Variants in MRPL3 observed in about 807,000 individuals in gnomAD.
MRPL3 encodes the protein mitochondrial ribosomal protein L3.
A neutral mutation model predicts 44.3 loss-of-function variants in MRPL3; 43 were observed. The ratio of observed to expected loss-of-function variants is 0.97; its 90% CI spans 0.76 to 1.25. The LOEUF (loss-of-function observed/expected upper bound fraction) is 1.25. Ranked by LOEUF, MRPL3 falls within the 50% of genes most tolerant of loss-of-function variation. The pLI is 0.00. For missense variants in MRPL3, 406 were observed against 427.6 expected (o/e 0.95, Z 0.45); for synonymous variants, 171 against 152.3 (o/e 1.12, Z -0.91).
intron 6 of MRPL3, among the ~76,000 whole-genome samples, chr3:131,476,275 C>T (rs149481138): frequency 2.0e-5 from 3 of 152,246 alleles, no homozygotes; most frequent in East Asian, 1.9e-4. Context: ...AATAACATGA[C>T]AAATTATTGG....
intron 4 of MRPL3, among the ~76,000 whole-genome samples, chr3:131,491,022 C>A (rs1677327598): frequency 6.6e-6 from 1 of 152,096 alleles, no homozygotes; most frequent in Non-Finnish European, 1.5e-5. Context: ...TCATTTTTTT[C>A]CCCTTTCTAC....
At chr3:131,496,894 C>T (rs965311532) in intron 4 of MRPL3, among the ~76,000 whole-genome samples, 1 of 152,246 alleles carries the variant, frequency 6.6e-6, no homozygotes, top group African/African-American at 2.4e-5. Flanking sequence ...TGCAGCTTCA[C>T]CACCCTCCCA....
intron 6 of MRPL3, among the ~76,000 whole-genome samples, chr3:131,477,139 TCTTTA>T (rs1426947970): frequency 6.6e-6 from 1 of 152,198 alleles, no homozygotes; most frequent in Non-Finnish European, 1.5e-5. Flanking sequence ...ATCATGTATT[TCTTTA>T]CTTTGTGAGA....
At chr3:131,490,940 C>T (rs746277946) in intron 4 of MRPL3, among the ~76,000 whole-genome samples, 1 of 152,200 alleles carries the variant, frequency 6.6e-6, no homozygotes, top group East Asian at 1.9e-4. Flanking sequence ...ATTAAAAGCA[C>T]TAATTCCCAC....
intron 6 of MRPL3, among the ~76,000 whole-genome samples, chr3:131,473,801 T>C (rs1438088636): frequency 6.6e-6 from 1 of 151,834 alleles, no homozygotes; most frequent in Non-Finnish European, 1.5e-5. Context: ...GCCAAGTATA[T>C]GAAAAATGTT....
chr3:131,465,758 C>G (rs1174984466), intron 9 of MRPL3, among the ~76,000 whole-genome samples: 1 of 152,112 alleles, frequency 6.6e-6, no homozygotes, highest in Non-Finnish European at 1.5e-5. Context: ...AATACTCTGG[C>G]TTCAACTATC....
At chr3:131,464,878 C>T (rs572934959) in intron 9 of MRPL3, among the ~76,000 whole-genome samples, 1 of 152,232 alleles carries the variant, frequency 6.6e-6, no homozygotes, top group African/African-American at 2.4e-5. Context: ...AGTTGGCTGC[C>T]CACTAGGAAG....
At chr3:131,476,036 G>A (rs999321767) in intron 6 of MRPL3, among the ~76,000 whole-genome samples, 2 of 152,164 alleles carry the variant, frequency 1.3e-5, no homozygotes, top group Non-Finnish European at 2.9e-5. Context: ...CTTAAAAAGA[G>A]AGCATGAGTG....
In MRPL3 at chr3:131,500,461, T is replaced by C. The variant is rs1363530241; in HGVS notation, c.338A>G (p.Asp113Gly). The C allele has an allele frequency of 1.2e-6, 2 of 1,613,866 alleles. No individual in the cohort carries two copies. The highest frequency in any genetic ancestry group is 1.1e-5 in the South Asian group (1 of 91,086). The change falls in exon 3 of 10, where the codon GAT (aspartate) becomes GGT (glycine). Residue 113 changes from aspartate to glycine, a missense_variant. Transcript: ENST00000264995. ...TAATGTGACCACATGCTTTTGACCA[T>C]CCTTGGTCCATAAAGGCATCATGCC... ...KLGMMPLWTKDGQKHVVTLLQ... is the reference protein window; with the variant it reads ...KLGMMPLWTKGGQKHVVTLLQ...
chr3:131,487,650 A>C, intron 6 of MRPL3, 30 bp downstream of exon 6: 1 of 1,562,978 alleles, frequency 6.4e-7, no homozygotes. Context: ...TGAAAACAAA[A>C]GGAAAAGAGA....
intron 9 of MRPL3, among the ~76,000 whole-genome samples, chr3:131,467,657 T>C (rs1009286474): frequency 1.3e-5 from 2 of 152,080 alleles, no homozygotes; most frequent in African/African-American, 4.8e-5. Flanking sequence ...CCTTCCCCTT[T>C]TGCCATGATT....
At chr3:131,492,731 C>G (rs1934285291) in intron 4 of MRPL3, among the ~76,000 whole-genome samples, 1 of 148,932 alleles carries the variant, frequency 6.7e-6, no homozygotes, top group Non-Finnish European at 1.5e-5. Flanking sequence ...CCATTTCACC[C>G]CCAAACCTAC....
rs775175471 is a variant in MRPL3 at position 131,502,761 on chromosome 3, C to T, written c.61G>A (p.Gly21Ser). ...CCCGGGCCCAGGGCAGCACCCAGGC[C>T]GTCCCCGAGTCGACCCAGCACCTGG... Reference protein sequence around the residue: ...GAQVLGRLGDGLGAALGPGNR... With the variant: ...GAQVLGRLGDSLGAALGPGNR... The change falls in exon 1 of 10, where the codon GGC becomes AGC. Residue 21 changes from glycine to serine, a missense_variant. Physicochemically the swap from Gly to Ser is moderately conservative, Grantham distance 56. Coordinates refer to ENST00000264995, the MANE Select transcript of MRPL3 (RefSeq NM_007208.4). 2.5e-6 allele frequency: 4 copies of T among 1,612,418 alleles called. No homozygotes were observed. Among genetic ancestry groups the T allele is most frequent in the Non-Finnish European group, 3.4e-6 (4 of 1,179,166 alleles).
chr3:131,482,208 A>AC (rs1934003120), intron 6 of MRPL3, among the ~76,000 whole-genome samples: 1 of 149,968 alleles, frequency 6.7e-6, no homozygotes, highest in Non-Finnish European at 1.5e-5. Context: ...AATCTCCTCC[A>AC]CCCCCCTCCC....
At chr3:131,481,474 A>G (rs1453960841) in intron 6 of MRPL3, among the ~76,000 whole-genome samples, 1 of 152,206 alleles carries the variant, frequency 6.6e-6, no homozygotes, top group Non-Finnish European at 1.5e-5. Flanking sequence ...GTACATTTAC[A>G]ATTATTCTTA....
intron 5 of MRPL3, among the ~76,000 whole-genome samples, chr3:131,489,620 T>A (rs570488086): frequency 6.6e-6 from 1 of 152,240 alleles, no homozygotes; most frequent in African/African-American, 2.4e-5. Context: ...CTTCTGTTAT[T>A]ATATTTTCTC....
At chr3:131,496,081 T>C (rs1332090992) in intron 4 of MRPL3, among the ~76,000 whole-genome samples, 1 of 152,198 alleles carries the variant, frequency 6.6e-6, no homozygotes, top group African/African-American at 2.4e-5. Flanking sequence ...ATGCTTGATT[T>C]ACAAATATCC....
chr3:131,463,453 G>A (rs1175798178), intron 9 of MRPL3, among the ~76,000 whole-genome samples: 1 of 151,364 alleles, frequency 6.6e-6, no homozygotes, highest in East Asian at 1.9e-4. Flanking sequence ...TTTGGGTAAG[G>A]GCCTTTAAGT....
chr3:131,501,784 G>A (rs767828497), intron 1 of MRPL3, 69 bp from the exon 2 acceptor site: 20 of 1,589,494 alleles, frequency 1.3e-5, no homozygotes, highest in Admixed American at 1.8e-5. Flanking sequence ...TATAGAAAAG[G>A]GAAGTCACAA....
Sources: gnomAD v4.1 joint callset for allele counts (sites outside exome capture counted in the v4.1 genomes callset) on GRCh38, gnomAD v4.1.1 for gene constraint, MANE v1.5 for transcripts, NCBI Gene and HGNC (gene_info 2026-07-23, HGNC 2026-07-21) for gene names.